The following ZNF839 variants were observed in gnomAD, a reference collection of about 807,000 sequenced individuals.
The protein encoded by ZNF839 is zinc finger protein 839, also known as renal carcinoma antigen NY-REN-50.
In ZNF839, 38 loss-of-function variants were observed where a neutral mutation model predicts 56.4. That is an observed-to-expected ratio of 0.67 (90% CI 0.52 to 0.88). The LOEUF is 0.88. ZNF839 is among the 40% of genes least tolerant of loss of function. ZNF839 has a pLI of 0.00. For missense variants in ZNF839, 1,091 were observed against 1,177.6 expected (o/e 0.93, Z 1.08); for synonymous variants, 486 against 493.5 (o/e 0.98, Z 0.20).
Position 102,341,756 on chromosome 14 carries a change from C to T in ZNF839, c.2361C>T (p.Pro787=). 6.2e-7 allele frequency: 1 copy of T among 1,614,048 alleles called. No homozygotes were observed. Among genetic ancestry groups the T allele is most frequent in the Non-Finnish European group, 8.5e-7 (1 of 1,179,904 alleles). The change falls in exon 8 of 8, where the codon CCC becomes CCT. Residue 787 remains proline, a synonymous_variant. Transcript: ENST00000442396. ...ACCTGAACCACCAGCAGCCCAGCCC[C>T]ACCAGCGTCCTGCCTACAGAGGTGG... ...DFHLNHQQPS[P]TSVLPTEVAA...
Position 102,319,981 on chromosome 14 carries a change from G to A in ZNF839, c.216G>A (p.Ala72=). The change falls in exon 1 of 8, where the codon GCG becomes GCA. Residue 72 remains alanine, a synonymous_variant. Coordinates refer to ENST00000442396, the MANE Select transcript of ZNF839 (RefSeq NM_018335.6). The surrounding 1 kb of genome is among the most constrained non-coding windows in gnomAD (Gnocchi z 4.5). The stretch of plus-strand genomic sequence containing the variant: ...ACGCGGCGCGGCGGCTGCGGGACGC[G>A]GCCCAACAGGCCGCCCTGCAGCGGG... ...LRDAARRLRD[A]AQQAALQRGR... The A allele has an allele frequency of 8.5e-7, 1 of 1,171,160 alleles. No homozygotes were observed. The allele number at this position is 1,171,160 out of a possible 1,614,324, so 72.5% of individuals were successfully genotyped here.
upstream of ZNF839, among the ~76,000 whole-genome samples, chr14:102,319,094 A>G (rs1434649116): frequency 6.6e-6 from 1 of 152,222 alleles, no homozygotes; most frequent in African/African-American, 2.4e-5. This position sits in a 1 kb window ranked among gnomAD's most constrained non-coding sequence, Gnocchi z 4.5. Flanking sequence ...CTGGATGGAT[A>G]GAGAGAGGGT....
Position 102,319,790 on chromosome 14 carries a change from G to C in ZNF839, c.25G>C (p.Gly9Arg). ...CATGGCGGATGCGGAGCCGGAGGCT[G>C]GGGGCGGCAGCGAGGATGGCGGCGG... MADAEPEA[G>R]GGSEDGGGGG... The change falls in exon 1 of 8, where the codon GGG becomes CGG. Residue 9 changes from glycine (G) to arginine (R), a missense_variant. By Grantham distance (125) the Gly-to-Arg change is moderately radical. Around this residue, in one of 3 missense-constraint regions of ZNF839, gnomAD observed 614 missense variants for 629.2 expected, o/e 0.98. Transcript: ENST00000442396. This position sits in a 1 kb window ranked among gnomAD's most constrained non-coding sequence, Gnocchi z 4.5. The C allele has an allele frequency of 8.1e-7, 1 of 1,232,160 alleles. No homozygotes were observed. The highest frequency in any genetic ancestry group is 1.0e-6 in the Non-Finnish European group (1 of 988,196). 76.3% of individuals were successfully genotyped at this position (1,232,160 alleles called of 1,614,324 possible). A position where few individuals can be genotyped will look rare whatever the true frequency, so the allele number is the denominator to read the frequency against.
intron 2 of ZNF839, among the ~76,000 whole-genome samples, chr14:102,330,139 G>T (rs982441205): frequency 6.6e-6 from 1 of 151,994 alleles, no homozygotes; most frequent in Non-Finnish European, 1.5e-5. Flanking sequence ...CAGGTTTTGT[G>T]TATGTAGGAA....
rs994816285 is a variant in ZNF839 at position 102,332,408 on chromosome 14, C to T, written c.1416+562C>T. ...TTGGCTTCCCAAAGTGTTGGGATTA[C>T]AGGCATGAGCCACCATGCCCGGCCT... On this transcript the variant is annotated intron_variant, in intron 3 of 7. Coordinates refer to ENST00000442396, the MANE Select transcript of ZNF839 (RefSeq NM_018335.6). This position sits in a 1 kb window ranked among gnomAD's most constrained non-coding sequence, Gnocchi z 4.9. 6.6e-6 allele frequency among the ~76,000 whole-genome samples: 1 copy of T among 151,274 alleles called. No individual in the cohort carries two copies. Among genetic ancestry groups the T allele is most frequent in the African/African-American group, 2.4e-5 (1 of 41,240 alleles).
chr14:102,341,827 T>C lies in ZNF839; in HGVS notation c.2432T>C (p.Val811Ala), dbSNP rs757714226. The C allele has an allele frequency of 1.4e-5, 23 of 1,614,034 alleles. No individual in the cohort carries two copies. The highest frequency in any genetic ancestry group is 1.6e-5 in the Non-Finnish European group (19 of 1,179,894). The change falls in exon 8 of 8, where the codon GTG becomes GCG. Residue 811 changes from valine (V) to alanine (A), a missense_variant. This residue lies in a region of ZNF839 where 431 missense variants were observed against 468.0 expected (regional missense o/e 0.92). Transcript: ENST00000442396. Reference sequence around the variant, plus strand: ...ATTTTGTCTGTGGATAGCGTGGCAGTGGACTGTGCCTACAGGACTGTGCCC... The same window carrying C: ...ATTTTGTCTGTGGATAGCGTGGCAGCGGACTGTGCCTACAGGACTGTGCCC... Reference protein sequence around the residue: ...EKILSVDSVAVDCAYRTVPKP... With the variant: ...EKILSVDSVAADCAYRTVPKP...
In ZNF839 at chr14:102,335,725, G is replaced by A; in HGVS notation, c.1546G>A (p.Ala516Thr). 6.3e-7 allele frequency: 1 copy of A among 1,598,670 alleles called. No homozygotes were observed. The highest frequency in any genetic ancestry group is 8.5e-7 in the Non-Finnish European group (1 of 1,179,244). Residue 516 changes from alanine (A) to threonine (T), a missense_variant, in exon 5 of 8, where the codon GCT becomes ACT. Ala to Thr is a moderately conservative substitution (Grantham distance 58). Transcript: ENST00000442396. Reference sequence around the variant, plus strand: ...TCATCTAGCAAAGCCTTTTTTCCCAGCTATATATAAGGAATTTGAAGAGTT... The same window carrying A: ...TCATCTAGCAAAGCCTTTTTTCCCAACTATATATAAGGAATTTGAAGAGTT... ...KDHLAKPFFP[A>T]IYKEFEELHK...
intron 5 of ZNF839, among the ~76,000 whole-genome samples, chr14:102,338,408 CAT>C (rs1329316143): frequency 6.6e-5 from 10 of 151,800 alleles, no homozygotes; most frequent in African/African-American, 2.4e-4. Flanking sequence ...CATGGTGGTG[CAT>C]GCCTGTAATC....
rs9464 is a variant in ZNF839, at chr14:102,341,334, C to T, written c.1939C>T (p.Pro647Ser). 94,823 of 1,519,096 alleles carry T rather than the reference C, an allele frequency of 0.062. 3,578 individuals are homozygous for T. The highest frequency in any genetic ancestry group is 0.18 in the African/African-American group (12,674 of 71,726). 94.1% of individuals were successfully genotyped at this position (1,519,096 alleles called of 1,614,324 possible). A position where few individuals can be genotyped will look rare whatever the true frequency, so the allele number is the denominator to read the frequency against. The change falls in exon 8 of 8, where the codon CCA becomes TCA. Residue 647 changes from proline (P) to serine (S), a missense_variant. Physicochemically the swap from Pro to Ser is moderately conservative, Grantham distance 74. Around this residue, in one of 3 missense-constraint regions of ZNF839, gnomAD observed 431 missense variants for 468.0 expected, o/e 0.92. Transcript: ENST00000442396. ...CCCAAAATGTTTAGGTTTTTCCCCT[C>T]CAGTAAATGTGACTGTCTCTCCCCG... Reference protein sequence around the residue: ...LHALAAGFSPPVNVTVSPRSE... With the variant: ...LHALAAGFSPSVNVTVSPRSE...
At chr14:102,337,644 TC>T (rs1338511019) in intron 5 of ZNF839, 2 of 152,078 alleles carry the variant, frequency 1.3e-5, no homozygotes, top group Non-Finnish European at 2.9e-5. Flanking sequence ...CCCTACAGAA[TC>T]CGGCTTTTTC....
rs2073989086 is a variant in ZNF839, at chr14:102,335,802, G to A, written c.1623G>A (p.Leu541=). 1 of 1,609,142 alleles carries A rather than the reference G, an allele frequency of 6.2e-7. No individual in the cohort carries two copies. Among genetic ancestry groups the A allele is most frequent in the Non-Finnish European group, 8.5e-7 (1 of 1,179,850 alleles). ...AAGATTACCTCAGTAGTTCTGGTCT[G>A]TGTTCCCAGGAGACCCTGGAAATAA... ...MCQDYLSSSG[L]CSQETLEINN... is the part of the protein sequence containing the mutation. The change falls in exon 5 of 8, where the codon CTG becomes CTA. Residue 541 remains leucine, a synonymous_variant. Coordinates refer to ENST00000442396, the MANE Select transcript of ZNF839 (RefSeq NM_018335.6).
At chr14:102,327,652 A>G (rs536134732) in intron 2 of ZNF839, among the ~76,000 whole-genome samples, 1 of 152,242 alleles carries the variant, frequency 6.6e-6, no homozygotes, top group African/African-American at 2.4e-5. Context: ...CATCATCCTT[A>G]CATTGACCCT....
chr14:102,324,881 C>T (rs151119608), intron 1 of ZNF839, among the ~76,000 whole-genome samples: 4,503 of 150,192 alleles, frequency 0.03, 169 homozygotes, highest in African/African-American at 0.091. Context: ...ACTCGGGAGG[C>T]GGAGGTCGCA....
chr14:102,323,928 GTA>G (rs2073267093), intron 1 of ZNF839, among the ~76,000 whole-genome samples: 1 of 152,144 alleles, frequency 6.6e-6, no homozygotes, highest in African/African-American at 2.4e-5. Flanking sequence ...GCAAAATGAA[GTA>G]AAGAAACCCA....
At chr14:102,334,334 C>G (rs185464070) in intron 3 of ZNF839, among the ~76,000 whole-genome samples, 1 of 152,242 alleles carries the variant, frequency 6.6e-6, no homozygotes, top group African/African-American at 2.4e-5. Context: ...TTGCCCAGGA[C>G]AGTGCCCAGA....
chr14:102,338,889 A>G lies in ZNF839; in HGVS notation c.1733A>G (p.His578Arg), dbSNP rs751912373. ...EIHPDNLGPK[H>R]LSRDMDGEQL... ...CACCCAGACAACCTTGGACCCAAGC[A>G]CCTCAGCCGAGACATGGATGGGGAG... Residue 578 changes from histidine to arginine, a missense_variant, in exon 6 of 8, where the codon CAC becomes CGC. Physicochemically the swap from His to Arg is conservative, Grantham distance 29. Coordinates refer to ENST00000442396, the MANE Select transcript of ZNF839 (RefSeq NM_018335.6). 2.5e-6 allele frequency: 4 copies of G among 1,613,950 alleles called. No homozygotes were observed. The South Asian group carries it at 4.4e-5, about 18-fold the overall frequency.
At position 102,319,879 on chromosome 14, in the gene ZNF839, C is replaced by A; in HGVS notation, c.114C>A (p.Pro38=). ...TCGCACGTGTGGCCCCGCTGGGCCC[C>A]GAGCAGCTGCGGCAGGTCCTGGAGC... is the stretch of plus-strand genomic sequence containing the variant. ...GSVARVAPLG[P]EQLRQVLEQV... Residue 38 remains proline (P), a synonymous_variant, in exon 1 of 8, where the codon CCC becomes CCA. Coordinates refer to ENST00000442396, the MANE Select transcript of ZNF839 (RefSeq NM_018335.6). The surrounding 1 kb of genome is among the most constrained non-coding windows in gnomAD (Gnocchi z 4.5). The A allele has an allele frequency of 7.8e-7, 1 of 1,283,900 alleles. No homozygotes were observed. The highest frequency in any genetic ancestry group is 9.9e-7 in the Non-Finnish European group (1 of 1,011,298). 79.5% of individuals were successfully genotyped at this position (1,283,900 alleles called of 1,614,324 possible). A position where few individuals can be genotyped will look rare whatever the true frequency, so the allele number is the denominator to read the frequency against.
Position 102,326,086 on chromosome 14 carries a change from G to A in ZNF839, c.390G>A (p.Lys130=). Residue 130 remains lysine (K), a synonymous_variant, in exon 2 of 8, where the codon AAG becomes AAA. Coordinates refer to ENST00000442396, the MANE Select transcript of ZNF839 (RefSeq NM_018335.6). The surrounding 1 kb of genome is among the most constrained non-coding windows in gnomAD (Gnocchi z 4.3). ...PTTIQPQTAR[K]SQLPRGNSCL... is the part of the protein sequence containing the mutation. ...CAATCCAGCCCCAAACTGCAAGAAA[G>A]AGCCAGCTGCCCCGGGGGAATTCCT... 6.2e-7 allele frequency: 1 copy of A among 1,613,906 alleles called. No individual in the cohort carries two copies. The highest frequency in any genetic ancestry group is 8.5e-7 in the Non-Finnish European group (1 of 1,179,844).
rs766205503 is a variant in ZNF839, at chr14:102,341,481, T to C, written c.2086T>C (p.Ser696Pro). The C allele has an allele frequency of 1.1e-4, 169 of 1,597,472 alleles. No homozygotes were observed. In the East Asian group the frequency reaches 3.7e-3, roughly 35 times the overall value. ...GAGGGGGTCTATAGGTGCTGCTCTC[T>C]CATCCCGGGATGTCAGTGGGCTGCC... ...ARRGSIGAALSSRDVSGLPVY... is the reference protein window; with the variant it reads ...ARRGSIGAALPSRDVSGLPVY... Residue 696 changes from serine to proline, a missense_variant, in exon 8 of 8, where the codon TCA becomes CCA. Ser to Pro is a moderately conservative substitution (Grantham distance 74). Coordinates refer to ENST00000442396, the MANE Select transcript of ZNF839 (RefSeq NM_018335.6).
Sources: gnomAD v4.1 joint callset for allele counts (sites outside exome capture counted in the v4.1 genomes callset) on GRCh38, gnomAD v4.1.1 for gene constraint, gnomAD v4.1.1 regional missense constraint, Gnocchi (gnomAD v3.1) non-coding constraint, MANE v1.5 for transcripts, NCBI Gene and HGNC (gene_info 2026-07-23, HGNC 2026-07-21) for gene names.